BRIX1: variants seen among roughly 807,000 people sequenced by gnomAD.
BRIX1 encodes the protein ribosome biogenesis protein BRX1 homolog.
In BRIX1, 15 loss-of-function variants were observed where a neutral mutation model predicts 44.0. The observed-to-expected ratio is 0.34, with a 90% CI of 0.23 to 0.53. The LOEUF (loss-of-function observed/expected upper bound fraction) is 0.53, where lower values mean the gene tolerates loss of function less well. Ranked by LOEUF, BRIX1 falls within the 20% of genes least tolerant of loss-of-function variation. The probability of loss-of-function intolerance (pLI) is 0.95; values close to 1 mark genes in which losing one functional copy is unlikely to be tolerated. For synonymous variants in BRIX1, 149 were observed against 135.4 expected, an observed-to-expected ratio of 1.10 and a Z score of -0.70; for missense variants, 420 against 432.8, an observed-to-expected ratio of 0.97 and a Z score of 0.26.
intron 1 of BRIX1, chr5:34,916,594 A>G (rs1764098976): frequency 6.6e-6 from 1 of 152,258 alleles, no homozygotes; most frequent in African/African-American, 2.4e-5. Flanking sequence ...AAAGAAGTGC[A>G]CACAAGTTGT....
At chr5:34,919,423 A>G (rs972422413) in intron 2 of BRIX1, among the ~76,000 whole-genome samples, 2 of 151,928 alleles carry the variant, frequency 1.3e-5, no homozygotes, top group African/African-American at 4.8e-5. Context: ...TTTAGATTCA[A>G]GGAGTATATG....
chr5:34,924,318 TCCTAAC>T (rs1764305776), intron 8 of BRIX1, among the ~76,000 whole-genome samples: 3 of 152,346 alleles, frequency 2.0e-5, no homozygotes, highest in Admixed American at 2.0e-4. Flanking sequence ...GAACACATCA[TCCTAAC>T]CTCTGAGGGT....
At chr5:34,921,488 T>G (rs984890332) in intron 3 of BRIX1, 1 of 152,236 alleles carries the variant, frequency 6.6e-6, no homozygotes, top group Non-Finnish European at 1.5e-5. Flanking sequence ...AAGTACTGCA[T>G]TTTCATAAGA....
chr5:34,915,882 A>G lies in BRIX1; in HGVS notation c.144A>G (p.Pro48=), dbSNP rs1390895434. 7 of 1,556,822 alleles carry G rather than the reference A, an allele frequency of 4.5e-6. No individual in the cohort carries two copies. Among genetic ancestry groups the G allele is most frequent in the Non-Finnish European group, 6.1e-6 (7 of 1,150,518 alleles). Residue 48 remains proline, a synonymous_variant, in exon 1 of 10, where the codon CCA becomes CCG. Transcript: ENST00000336767. The part of the protein sequence containing the change: ...EVEEEERDRI[P]GPVCKGKWKN... ...AGGAAGAAGAGAGGGACCGGATCCC[A>G]GGCCCCGTTTGCAAGGTAGGAGGGG...
At chr5:34,916,948 C>T (rs1764116073) in intron 1 of BRIX1, among the ~76,000 whole-genome samples, 1 of 152,174 alleles carries the variant, frequency 6.6e-6, no homozygotes, top group South Asian at 2.1e-4. Context: ...TGTTCTCACT[C>T]TTCCCTTGAG....
chr5:34,924,815 A>T (rs760984345), intron 8 of BRIX1, 32 bp from the exon 9 acceptor site: 2 of 1,540,704 alleles, frequency 1.3e-6, no homozygotes, highest in Admixed American at 1.7e-5. Context: ...AACGTAACCA[A>T]ACCAAAATGA....
In BRIX1 at chr5:34,923,140, G is replaced by T. The variant is rs201080666; in HGVS notation, c.569G>T (p.Ser190Ile). ...LLKELLIQIFSTPRYHPKSQP... is the reference protein window; with the variant it reads ...LLKELLIQIFITPRYHPKSQP... ...ATACACTTTTTTAACTAGATCTTTA[G>T]TACACCACGGTATCATCCCAAAAGC... Residue 190 changes from serine (S) to isoleucine (I), a missense_variant, in exon 8 of 10, where the codon AGT (serine) becomes ATT (isoleucine). Transcript: ENST00000336767. The T allele has an allele frequency of 1.1e-5, 18 of 1,612,962 alleles. No individual in the cohort carries two copies. Among genetic ancestry groups the T allele is most frequent in the Non-Finnish European group, 1.5e-5 (18 of 1,179,038 alleles).
At position 34,925,355 on chromosome 5, in the gene BRIX1, G is replaced by A; in HGVS notation, c.922G>A (p.Val308Ile). 18 of 1,613,960 alleles carry A rather than the reference G, an allele frequency of 1.1e-5. No homozygotes were observed. Among genetic ancestry groups the A allele is most frequent in the Non-Finnish European group, 1.5e-5 (18 of 1,179,994 alleles). ...ACATGATCCCACTGCAGATGTTTTT[G>A]TAACACCAGCTGAGGAGAAACCAAT... ...LPHDPTADVF[V>I]TPAEEKPIEI... Residue 308 changes from valine (V) to isoleucine (I), a missense_variant, in exon 10 of 10, where the codon GTA becomes ATA. By Grantham distance (29) the Val-to-Ile change is conservative. Coordinates refer to ENST00000336767, the MANE Select transcript of BRIX1 (RefSeq NM_018321.4).
intron 2 of BRIX1, 129 bp downstream of exon 2, chr5:34,918,604 T>C: frequency 2.0e-6 from 1 of 496,336 alleles, no homozygotes; most frequent in Non-Finnish European, 3.5e-6. Context: ...TTTTATCCTT[T>C]CAAGTGCCAC....
At position 34,923,316 on chromosome 5, in the gene BRIX1, G is replaced by C. The variant is rs1202928356; in HGVS notation, c.663+82G>C. 4 of 1,169,394 alleles carry C rather than the reference G, an allele frequency of 3.4e-6. No homozygotes were observed. In the South Asian group the frequency reaches 5.2e-5, roughly 15 times the overall value. 72.4% of individuals were successfully genotyped at this position (1,169,394 alleles called of 1,614,324 possible). A position where few individuals can be genotyped will look rare whatever the true frequency, so the allele number is the denominator to read the frequency against. On this transcript the variant is annotated intron_variant, in intron 8 of 9. Transcript: ENST00000336767. ...TGTTTTGAGACAGAGTCTCGCTCTT[G>C]TTGCCCAGGCTGGACTGCAGTGGCA...
At chr5:34,922,818 T>C in intron 6 of BRIX1, 50 bp downstream of exon 6, 2 of 1,505,454 alleles carry the variant, frequency 1.3e-6, no homozygotes, top group Non-Finnish European at 1.8e-6. Flanking sequence ...TCTGGCATGG[T>C]TGTTTTTAGT....
chr5:34,922,433 A>C (rs1378701385), intron 4 of BRIX1, 106 bp from the exon 5 acceptor site: 6 of 916,824 alleles, frequency 6.5e-6, no homozygotes, highest in Non-Finnish European at 8.4e-6. Context: ...ACCTTTAAAG[A>C]AAATTAAATG....
chr5:34,925,563 T>G lies in BRIX1; in HGVS notation c.*68T>G, dbSNP rs1764360672. The stretch of plus-strand genomic sequence containing the variant: ...TTTTGTATTCAATGTGTAAATACTT[T>G]TATTATCTAATACTATCTTACGTCT... On this transcript the variant is annotated 3_prime_UTR_variant, in exon 10 of 10. Coordinates refer to ENST00000336767, the MANE Select transcript of BRIX1 (RefSeq NM_018321.4). The G allele has an allele frequency of 1.5e-6, 2 of 1,361,370 alleles. No individual in the cohort carries two copies. The highest frequency in any genetic ancestry group is 1.5e-5 in the African/African-American group (1 of 67,820). The allele number at this position is 1,361,370 out of a possible 1,614,324, so 84.3% of individuals were successfully genotyped here. A position where few individuals can be genotyped will look rare whatever the true frequency, so the allele number is the denominator to read the frequency against.
intron 1 of BRIX1, chr5:34,916,223 C>T: frequency 9.9e-6 from 2 of 203,024 alleles, no homozygotes; most frequent in South Asian, 2.6e-4. Flanking sequence ...TAGTGCTTTT[C>T]CTTGGTTATT....
chr5:34,919,855 G>A lies in BRIX1; in HGVS notation c.287G>A (p.Arg96His), dbSNP rs374761203. Residue 96 changes from arginine (R) to histidine (H), a missense_variant, in exon 3 of 10, where the codon CGT becomes CAT. Transcript: ENST00000336767. ...CTTTTTCTAGATACTAAAATGGATC[G>A]TAAGGATAAGCTATTTGTGATTAAC... Reference protein sequence around the residue: ...PHSKADTKMDRKDKLFVINEV... With the variant: ...PHSKADTKMDHKDKLFVINEV... 9 of 1,146,474 alleles carry A rather than the reference G, an allele frequency of 7.9e-6. No homozygotes were observed. The highest frequency in any genetic ancestry group is 9.9e-6 in the Non-Finnish European group (8 of 805,552). 71.0% of individuals were successfully genotyped at this position (1,146,474 alleles called of 1,614,324 possible). A position where few individuals can be genotyped will look rare whatever the true frequency, so the allele number is the denominator to read the frequency against.
intron 2 of BRIX1, among the ~76,000 whole-genome samples, 196 bp from the exon 3 acceptor site, chr5:34,919,643 AT>A (rs1276240208): frequency 5.3e-5 from 8 of 152,062 alleles, no homozygotes; most frequent in African/African-American, 1.9e-4. Flanking sequence ...TATTTTACTT[AT>A]TTTCTTTACA....
chr5:34,918,186 T>A, intron 1 of BRIX1, 178 bp from the exon 2 acceptor site: 1 of 424,628 alleles, frequency 2.4e-6, no homozygotes, highest in Non-Finnish European at 4.3e-6. Context: ...GGCACATGCC[T>A]GTAGTCTCCA....
intron 8 of BRIX1, among the ~76,000 whole-genome samples, chr5:34,924,043 C>T (rs1764297676): frequency 1.3e-5 from 2 of 152,186 alleles, no homozygotes; most frequent in African/African-American, 4.8e-5. Flanking sequence ...GTTTCTCTCT[C>T]AAAGCACCTC....
At chr5:34,924,623 A>T (rs1481644633) in intron 8 of BRIX1, among the ~76,000 whole-genome samples, 1 of 152,190 alleles carries the variant, frequency 6.6e-6, no homozygotes, top group Non-Finnish European at 1.5e-5. Flanking sequence ...TAATTACTCA[A>T]TTTTAAAAGA....
Sources: allele counts gnomAD v4.1 joint callset (sites outside exome capture counted in the v4.1 genomes callset), GRCh38; gene constraint gnomAD v4.1.1; transcripts MANE v1.5; gene names NCBI Gene and HGNC (gene_info 2026-07-23, HGNC 2026-07-21).